SAAL1: variants seen among roughly 807,000 people sequenced by gnomAD.
The protein encoded by SAAL1 is serum amyloid A like 1, also known as protein SAAL1.
Under a neutral mutation model 59.8 loss-of-function variants are expected in SAAL1, and 42 were observed. That is an observed-to-expected ratio of 0.70 (90% CI 0.55 to 0.91). The LOEUF (loss-of-function observed/expected upper bound fraction) is 0.91. SAAL1 is among the 40% of genes least tolerant of loss of function. The probability of loss-of-function intolerance (pLI) is 0.00; values close to 1 mark genes in which losing one functional copy is unlikely to be tolerated. For missense variants in SAAL1, 542 were observed against 561.1 expected, an observed-to-expected ratio of 0.97 and a Z score of 0.34; for synonymous variants, 191 against 194.3, an observed-to-expected ratio of 0.98 and a Z score of 0.14.
intron 11 of SAAL1, among the ~76,000 whole-genome samples, 167 bp downstream of exon 11, chr11:18,081,244 G>A (rs1848406772): frequency 6.6e-6 from 1 of 152,130 alleles, no homozygotes; most frequent in South Asian, 2.1e-4. Flanking sequence ...AGAACATACG[G>A]TATTTGGTTT....
chr11:18,103,373 T>A, intron 1 of SAAL1, 27 bp from the exon 2 acceptor site: 1 of 1,538,996 alleles, frequency 6.5e-7, no homozygotes, highest in South Asian at 1.1e-5. Context: ...AAAGAAAACA[T>A]GAATAAAAGT....
At chr11:18,080,907 A>G (rs1848402659) in intron 11 of SAAL1, among the ~76,000 whole-genome samples, 1 of 152,258 alleles carries the variant, frequency 6.6e-6, no homozygotes. Context: ...AAGGAGTACT[A>G]TAAATTCAGA....
chr11:18,083,820 T>C, intron 9 of SAAL1, 89 bp from the exon 10 acceptor site: 2 of 788,618 alleles, frequency 2.5e-6, no homozygotes, highest in Non-Finnish European at 3.9e-6. Flanking sequence ...ACATTATTAT[T>C]TTGGGTATTA....
intron 2 of SAAL1, among the ~76,000 whole-genome samples, chr11:18,099,268 C>A (rs570808940): frequency 6.6e-6 from 1 of 152,168 alleles, no homozygotes; most frequent in Non-Finnish European, 1.5e-5. Flanking sequence ...CAGGCAAGTA[C>A]CCAGCGAGAC....
At position 18,086,905 on chromosome 11, in the gene SAAL1, C is replaced by G. The variant is rs764188432; in HGVS notation, c.1003G>C (p.Ala335Pro). Reference protein sequence around the residue: ...SVFSVLSAIYASQTEQEYLKI... With the variant: ...SVFSVLSAIYPSQTEQEYLKI... Reference sequence around the variant, plus strand: ...AGATACTCTTGCTCAGTCTGTGAGGCATAGATGGCAGACAACACTGAAAAA... The same window carrying G: ...AGATACTCTTGCTCAGTCTGTGAGGGATAGATGGCAGACAACACTGAAAAA... The change falls in exon 9 of 12, where the codon GCC becomes CCC. Residue 335 changes from alanine (A) to proline (P), a missense_variant. Ala to Pro is a conservative substitution (Grantham distance 27, BLOSUM62 -1). Coordinates refer to ENST00000524803, the MANE Select transcript of SAAL1 (RefSeq NM_138421.3). The G allele has an allele frequency of 2.5e-5, 40 of 1,613,850 alleles. No homozygotes were observed. Among genetic ancestry groups the G allele is most frequent in the Non-Finnish European group, 3.3e-5 (39 of 1,179,950 alleles).
Position 18,090,517 on chromosome 11 carries a change from G to A in SAAL1, c.414-24C>T, listed in dbSNP as rs369343401. The A allele has an allele frequency of 1.7e-5, 27 of 1,592,364 alleles. No homozygotes were observed. The East Asian group carries it at 2.5e-4, about 15-fold the overall frequency. On this transcript the variant is annotated intron_variant, in intron 4 of 11. Coordinates refer to ENST00000524803, the MANE Select transcript of SAAL1 (RefSeq NM_138421.3). ...GCCTACAAAAACAAAGAAGTTAACC[G>A]ATATGCCTCACTTCTCGCATTTAAA...
chr11:18,098,623 C>G (rs1405022222), intron 2 of SAAL1, among the ~76,000 whole-genome samples: 1 of 152,226 alleles, frequency 6.6e-6, no homozygotes, highest in Admixed American at 6.5e-5. Flanking sequence ...TTCTCCACAG[C>G]AAGTGAAACC....
intron 10 of SAAL1, 168 bp from the exon 11 acceptor site, chr11:18,081,671 T>TCCACTAAA: frequency 1.7e-6 from 1 of 594,536 alleles, no homozygotes; most frequent in South Asian, 2.1e-5. Context: ...AAACATGTTC[T>TCCACTAAA]CCACTGTCGT....
chr11:18,085,149 T>A (rs1049078016), intron 9 of SAAL1, among the ~76,000 whole-genome samples: 6 of 152,192 alleles, frequency 3.9e-5, no homozygotes, highest in African/African-American at 1.4e-4. Context: ...AAGGTAAGGA[T>A]GTTTTCTACC....
chr11:18,089,416 C>T lies in SAAL1; in HGVS notation c.684G>A (p.Gln228=). 6.2e-7 allele frequency: 1 copy of T among 1,611,906 alleles called. No individual in the cohort carries two copies. The highest frequency in any genetic ancestry group is 2.2e-5 in the East Asian group (1 of 44,730). The change falls in exon 7 of 12, where the codon CAG becomes CAA. Residue 228 remains glutamine, a synonymous_variant. Coordinates refer to ENST00000524803, the MANE Select transcript of SAAL1 (RefSeq NM_138421.3). ...ACTCTTCCTGGGGTTGGTCCAGAGGCTGAGCAGCCCCATTTCTGACCCATT... is the reference window on the plus strand; with the variant it reads ...ACTCTTCCTGGGGTTGGTCCAGAGGTTGAGCAGCCCCATTTCTGACCCATT... ...MLEWVRNGAA[Q]PLDQPQEESE...
At chr11:18,094,110 C>T (rs1848549508) in intron 3 of SAAL1, 1 of 151,974 alleles carries the variant, frequency 6.6e-6, no homozygotes, top group African/African-American at 2.4e-5. Flanking sequence ...TCATAATTTC[C>T]AGGGTAGAGC....
At chr11:18,089,107 C>T (rs1396166765) in intron 7 of SAAL1, among the ~76,000 whole-genome samples, 2 of 152,118 alleles carry the variant, frequency 1.3e-5, no homozygotes, top group African/African-American at 4.8e-5. Context: ...AAGACAGAAA[C>T]CACAGTTAAT....
At chr11:18,096,037 T>G (rs1848572227) in intron 3 of SAAL1, among the ~76,000 whole-genome samples, 1 of 152,182 alleles carries the variant, frequency 6.6e-6, no homozygotes, top group Non-Finnish European at 1.5e-5. Flanking sequence ...GTAGAGGTCT[T>G]AAGCAGCAGG....
At chr11:18,095,148 G>A (rs1848559622) in intron 3 of SAAL1, among the ~76,000 whole-genome samples, 3 of 152,162 alleles carry the variant, frequency 2.0e-5, no homozygotes, top group African/African-American at 7.2e-5. Flanking sequence ...TTAAGTTTGA[G>A]AGTCCCTGTC....
At chr11:18,080,980 CT>C (rs1268767663) in intron 11 of SAAL1, among the ~76,000 whole-genome samples, 1 of 152,112 alleles carries the variant, frequency 6.6e-6, no homozygotes, top group African/African-American at 2.4e-5. Flanking sequence ...CAGTAGTCAT[CT>C]TTTTTTCCCT....
chr11:18,092,481 G>C (rs1169886387), intron 3 of SAAL1, among the ~76,000 whole-genome samples, 157 bp from the exon 4 acceptor site: 2 of 152,148 alleles, frequency 1.3e-5, no homozygotes, highest in Non-Finnish European at 2.9e-5. Context: ...CCCTAACCTT[G>C]ACAAGCTTAC....
chr11:18,100,112 T>C (rs1564873113), intron 2 of SAAL1, among the ~76,000 whole-genome samples: 1 of 152,244 alleles, frequency 6.6e-6, no homozygotes, highest in Non-Finnish European at 1.5e-5. Context: ...CAGGTTTTAT[T>C]TCTTTTTAAA....
intron 10 of SAAL1, among the ~76,000 whole-genome samples, chr11:18,082,524 T>G (rs1053458972): frequency 2.6e-5 from 4 of 152,148 alleles, no homozygotes; most frequent in Admixed American, 2.6e-4. Context: ...TAATTTAAAT[T>G]ATATAAAACC....
Position 18,090,232 on chromosome 11 carries a change from G to C in SAAL1, c.532C>G (p.Gln178Glu), listed in dbSNP as rs140441709. Residue 178 changes from glutamine to glutamate, a missense_variant, in exon 6 of 12, where the codon CAG (glutamine) becomes GAG (glutamate). Coordinates refer to ENST00000524803, the MANE Select transcript of SAAL1 (RefSeq NM_138421.3). Reference protein sequence around the residue: ...EVASVWVERIQEHPAIYDSIC... With the variant: ...EVASVWVERIEEHPAIYDSIC... ...CTATCATAAATAGCTGGATGTTCCT[G>C]GATCCTTTCAACCCAAACACTGGCC... is the stretch of plus-strand genomic sequence containing the variant. 1.2e-6 allele frequency: 2 copies of C among 1,609,896 alleles called. No individual in the cohort carries two copies. The highest frequency in any genetic ancestry group is 2.7e-5 in the African/African-American group (2 of 74,328).
Sources: gnomAD v4.1 joint callset for allele counts (sites outside exome capture counted in the v4.1 genomes callset) on GRCh38, gnomAD v4.1.1 for gene constraint, MANE v1.5 for transcripts, NCBI Gene and HGNC (gene_info 2026-07-23, HGNC 2026-07-21) for gene names.